The following MAP3K5 variants were observed in gnomAD, a reference collection of about 807,000 sequenced individuals.
MAP3K5 encodes ASK-1.
MAP3K5 carries 56 observed loss-of-function variants against 158.7 expected under a neutral mutation model. That is an observed-to-expected ratio of 0.35 (90% CI 0.28 to 0.44). The LOEUF (loss-of-function observed/expected upper bound fraction) is 0.44, where lower values mean the gene tolerates loss of function less well. MAP3K5 is among the 20% of genes least tolerant of loss of function. The pLI, the probability that MAP3K5 is intolerant of heterozygous loss-of-function variation, is 1.00. For missense variants in MAP3K5, 1,294 were observed against 1,674.8 expected, an observed-to-expected ratio of 0.77 and a Z score of 3.97; for synonymous variants, 579 against 601.7, an observed-to-expected ratio of 0.96 and a Z score of 0.55.
chr6:136,785,856 T>C (rs1416285164), intron 1 of MAP3K5, among the ~76,000 whole-genome samples: 3 of 152,166 alleles, frequency 2.0e-5, no homozygotes, highest in African/African-American at 4.8e-5. Flanking sequence ...AGAAACAGAA[T>C]TTTCCCGAAT....
chr6:136,559,615 T>C (rs1046018953), intron 28 of MAP3K5, among the ~76,000 whole-genome samples: 3 of 152,232 alleles, frequency 2.0e-5, no homozygotes, highest in Non-Finnish European at 4.4e-5. Flanking sequence ...AACTTATTTT[T>C]TCATGGTTAA....
chr6:136,666,372 T>C (rs1369406083), intron 8 of MAP3K5, among the ~76,000 whole-genome samples: 1 of 152,162 alleles, frequency 6.6e-6, no homozygotes, highest in South Asian at 2.1e-4. Flanking sequence ...CCTTTATAAA[T>C]AAATCAAAAT....
rs772628943 is a variant in MAP3K5, at chr6:136,614,212, C to T, written c.2225G>A (p.Gly742Asp). 1.2e-5 allele frequency: 20 copies of T among 1,613,574 alleles called. No individual in the cohort carries two copies. Among genetic ancestry groups the T allele is most frequent in the Non-Finnish European group, 1.6e-5 (19 of 1,179,712 alleles). ...AATGAAACCATTCTCACTGAAAGAGCCCAGATACTGGACAATATTTTTGTG... is the reference window on the plus strand; with the variant it reads ...AATGAAACCATTCTCACTGAAAGAGTCCAGATACTGGACAATATTTTTGTG... ...LKHKNIVQYL[G>D]SFSENGFIKI... The change falls in exon 16 of 30, where the codon GGC becomes GAC. Residue 742 changes from glycine to aspartate, a missense_variant. Physicochemically the swap from Gly to Asp is moderately conservative, Grantham distance 94. Around this residue, in one of 5 missense-constraint regions of MAP3K5, gnomAD observed 41 missense variants for 98.2 expected, o/e 0.42. Coordinates refer to ENST00000359015, the MANE Select transcript of MAP3K5 (RefSeq NM_005923.4).
At chr6:136,696,128 G>C in intron 5 of MAP3K5, 71 bp from the exon 6 acceptor site, 1 of 829,830 alleles carries the variant, frequency 1.2e-6, no homozygotes, top group Admixed American at 2.4e-5. Flanking sequence ...CGTGTCTTTT[G>C]ACAACCAGAT....
Position 136,695,923 on chromosome 6 carries a change from A to G in MAP3K5, c.1082+28T>C, listed in dbSNP as rs762291366. On this transcript the variant is annotated intron_variant, in intron 6 of 29. Transcript: ENST00000359015. Reference sequence around the variant, plus strand: ...AGGTTACACAATAATATGTTAACGCATTCTGGAAGGGAACTTTTTCTTCTT... The same window carrying G: ...AGGTTACACAATAATATGTTAACGCGTTCTGGAAGGGAACTTTTTCTTCTT... 8.0e-6 allele frequency: 11 copies of G among 1,377,874 alleles called. No individual in the cohort carries two copies. In the South Asian group the frequency reaches 1.2e-4, roughly 15 times the overall value. The allele number at this position is 1,377,874 out of a possible 1,614,324, so 85.4% of individuals were successfully genotyped here.
At chr6:136,791,564 A>G (rs1172779989) in intron 1 of MAP3K5, 146 bp downstream of exon 1, 3 of 816,614 alleles carry the variant, frequency 3.7e-6, no homozygotes, top group East Asian at 2.4e-5. Flanking sequence ...GGCGAGCGAC[A>G]GGAGCAGTCA....
At chr6:136,693,207 T>C (rs1197448478) in intron 7 of MAP3K5, among the ~76,000 whole-genome samples, 2 of 152,230 alleles carry the variant, frequency 1.3e-5, no homozygotes, top group African/African-American at 4.8e-5. Context: ...GATTCTGCCA[T>C]AAATCTAGAC....
In MAP3K5 at chr6:136,792,098, G is replaced by T; in HGVS notation, c.60C>A (p.Gly20=). 1 of 1,585,482 alleles carries T rather than the reference G, an allele frequency of 6.3e-7. No homozygotes were observed. The change falls in exon 1 of 30, where the codon GGC becomes GGA. Residue 20 remains glycine (G), a synonymous_variant. Transcript: ENST00000359015. The surrounding 1 kb of genome is among the most constrained non-coding windows in gnomAD (Gnocchi z 5.7). The part of the protein sequence containing the change: ...TFSVPPFAPS[G]FCTIPEGGIC... ...TGCCGCCCTCGGGGATGGTGCAGAAGCCCGAGGGGGCGAAGGGTGGCACAG... is the reference window on the plus strand; with the variant it reads ...TGCCGCCCTCGGGGATGGTGCAGAATCCCGAGGGGGCGAAGGGTGGCACAG...
intron 3 of MAP3K5, among the ~76,000 whole-genome samples, chr6:136,699,143 T>G (rs772774766): frequency 2.6e-5 from 4 of 152,162 alleles, no homozygotes; most frequent in African/African-American, 4.8e-5. Flanking sequence ...GAGGCTGCTC[T>G]CTCTCTGTCT....
At chr6:136,586,020 G>A (rs774502154) in intron 23 of MAP3K5, among the ~76,000 whole-genome samples, 1 of 152,012 alleles carries the variant, frequency 6.6e-6, no homozygotes, top group Non-Finnish European at 1.5e-5. Flanking sequence ...ATGCACCATC[G>A]AGTTCTTTCT....
At chr6:136,791,548 C>A (rs1043674856) in intron 1 of MAP3K5, among the ~76,000 whole-genome samples, 162 bp downstream of exon 1, 2 of 152,206 alleles carry the variant, frequency 1.3e-5, no homozygotes, top group African/African-American at 4.8e-5. Flanking sequence ...ACGCTCTCTC[C>A]GGAGCGGCGA....
At chr6:136,714,726 T>C (rs1366415420) in intron 2 of MAP3K5, among the ~76,000 whole-genome samples, 3 of 152,100 alleles carry the variant, frequency 2.0e-5, no homozygotes, top group Admixed American at 6.5e-5. Flanking sequence ...TATCCAGAAG[T>C]GGAATTGCTG....
chr6:136,601,175 C>A, intron 20 of MAP3K5, 133 bp from the exon 21 acceptor site: 2 of 733,310 alleles, frequency 2.7e-6, no homozygotes, highest in East Asian at 2.8e-5. Context: ...CCATTCTCCT[C>A]CAATATAAAC....
chr6:136,698,483 C>G lies in MAP3K5; in HGVS notation c.806+6G>C. ...TCACCAAATGGCATTATTAATTAAA[C>G]TTTACCTAGAACTTGCTTGTGCCAC... On this transcript the variant is annotated splice_donor_region_variant and intron_variant, in intron 4 of 29. Transcript: ENST00000359015. 6.2e-7 allele frequency: 1 copy of G among 1,611,458 alleles called. No individual in the cohort carries two copies. The highest frequency in any genetic ancestry group is 8.5e-7 in the Non-Finnish European group (1 of 1,178,218).
At chr6:136,724,595 C>A (rs891364639) in intron 1 of MAP3K5, among the ~76,000 whole-genome samples, 1 of 151,984 alleles carries the variant, frequency 6.6e-6, no homozygotes, top group Non-Finnish European at 1.5e-5. Context: ...ATATTTATTA[C>A]CTCTAAACAT....
intron 11 of MAP3K5, among the ~76,000 whole-genome samples, chr6:136,645,482 T>C (rs925974410): frequency 5.3e-5 from 8 of 152,138 alleles, no homozygotes; most frequent in East Asian, 3.9e-4. Context: ...ATCCGTGAGG[T>C]AGGCCAAGGG....
chr6:136,782,264 A>G (rs1443633918), intron 1 of MAP3K5, among the ~76,000 whole-genome samples: 1 of 150,170 alleles, frequency 6.7e-6, no homozygotes. Flanking sequence ...TGGGAGAGAG[A>G]GTGACACCCC....
chr6:136,773,213 C>T (rs750681271), intron 1 of MAP3K5, among the ~76,000 whole-genome samples: 3 of 152,174 alleles, frequency 2.0e-5, no homozygotes, highest in Admixed American at 1.3e-4. Flanking sequence ...GACCTCATCC[C>T]ATCTGAGGCA....
Position 136,695,966 on chromosome 6 carries a change from G to T in MAP3K5, c.1067C>A (p.Ala356Glu). 1 of 1,611,916 alleles carries T rather than the reference G, an allele frequency of 6.2e-7. No homozygotes were observed. The highest frequency in any genetic ancestry group is 8.5e-7 in the Non-Finnish European group (1 of 1,178,306). The change falls in exon 6 of 30, where the codon GCA (alanine) becomes GAA (glutamate). Residue 356 changes from alanine to glutamate, a missense_variant. By Grantham distance (107) the Ala-to-Glu change is moderately radical. Coordinates refer to ENST00000359015, the MANE Select transcript of MAP3K5 (RefSeq NM_005923.4). The part of the protein sequence containing the change: ...ASHHHVKFHY[A>E]FALNRRNLPG... ...TTCTTCTTACCTATTCAGTGCAAATGCATAATGAAACTTCACATGGTGATG... is the reference window on the plus strand; with the variant it reads ...TTCTTCTTACCTATTCAGTGCAAATTCATAATGAAACTTCACATGGTGATG...
Sources: allele counts gnomAD v4.1 joint callset (sites outside exome capture counted in the v4.1 genomes callset), GRCh38; gene constraint gnomAD v4.1.1; regional missense constraint gnomAD v4.1.1; non-coding constraint Gnocchi (gnomAD v3.1); transcripts MANE v1.5; gene names NCBI Gene and HGNC (gene_info 2026-07-23, HGNC 2026-07-21).